Variants in GRM7 observed in about 807,000 individuals in gnomAD.
The protein encoded by GRM7 is metabotropic glutamate receptor 7.
GRM7 carries 35 observed loss-of-function variants against 84.5 expected under a neutral mutation model. The observed-to-expected ratio is 0.41, with a 90% CI of 0.32 to 0.55. GRM7 has a LOEUF of 0.55. GRM7 is among the 20% of genes least tolerant of loss of function. The probability of loss-of-function intolerance (pLI) is 0.19; values close to 1 mark genes in which losing one functional copy is unlikely to be tolerated. For synonymous variants in GRM7, 487 were observed against 455.1 expected, an observed-to-expected ratio of 1.07 and a Z score of -0.89; for missense variants, 1,003 against 1,194.6, an observed-to-expected ratio of 0.84 and a Z score of 2.36.
At chr3:6,957,179 T>G (rs1693092072) in intron 1 of GRM7, among the ~76,000 whole-genome samples, 1 of 152,206 alleles carries the variant, frequency 6.6e-6, no homozygotes, top group African/African-American at 2.4e-5. Context: ...AATCCTAAAA[T>G]TTTCCATAAA....
chr3:7,288,374 T>C (rs1433045872), intron 2 of GRM7, among the ~76,000 whole-genome samples: 2 of 152,088 alleles, frequency 1.3e-5, no homozygotes, highest in Non-Finnish European at 2.9e-5. Flanking sequence ...GATAGGAATG[T>C]GATGCAGGAA....
intron 1 of GRM7, among the ~76,000 whole-genome samples, chr3:6,999,350 G>T (rs1694934983): frequency 6.6e-6 from 1 of 152,124 alleles, no homozygotes; most frequent in African/African-American, 2.4e-5. Context: ...TCTCCAAGAA[G>T]TTTCAAACTT....
chr3:7,234,370 T>C (rs1697284802), intron 2 of GRM7, among the ~76,000 whole-genome samples: 1 of 152,164 alleles, frequency 6.6e-6, no homozygotes, highest in South Asian at 2.1e-4. Flanking sequence ...TTCCATTTAT[T>C]TCTACTAACT....
intron 1 of GRM7, among the ~76,000 whole-genome samples, chr3:6,990,550 G>A (rs1197654770): frequency 6.6e-6 from 1 of 152,136 alleles, no homozygotes; most frequent in East Asian, 1.9e-4. Context: ...GGGTTTCATG[G>A]ACGGGGGCTG....
chr3:7,678,584 A>T (rs1198239018), intron 8 of GRM7, among the ~76,000 whole-genome samples: 5 of 152,232 alleles, frequency 3.3e-5, no homozygotes, highest in Non-Finnish European at 7.3e-5. Flanking sequence ...AACTTTAAAA[A>T]TATGAACTAA....
chr3:7,216,420 A>C (rs778375582), intron 2 of GRM7, among the ~76,000 whole-genome samples: 1 of 152,202 alleles, frequency 6.6e-6, no homozygotes, highest in Non-Finnish European at 1.5e-5. Context: ...ATTTTAAAAC[A>C]TATTTTATAA....
chr3:7,312,579 T>A (rs768191816), intron 4 of GRM7, among the ~76,000 whole-genome samples: 3 of 152,190 alleles, frequency 2.0e-5, no homozygotes, highest in Admixed American at 2.0e-4. Flanking sequence ...GTGACTGATG[T>A]TCTTGACATT....
At chr3:7,194,831 A>G (rs1357852033) in intron 2 of GRM7, among the ~76,000 whole-genome samples, 1 of 152,174 alleles carries the variant, frequency 6.6e-6, no homozygotes, top group Non-Finnish European at 1.5e-5. Flanking sequence ...CAAAATATAT[A>G]GTAAGCATTT....
intron 1 of GRM7, among the ~76,000 whole-genome samples, chr3:7,060,626 C>G (rs73027801): frequency 0.16 from 24,221 of 151,590 alleles, 2,290 homozygotes; most frequent in South Asian, 0.22. Context: ...TTATGTTAAG[C>G]CACTCAAGTT....
chr3:7,480,302 C>G (rs1699079860), intron 7 of GRM7, among the ~76,000 whole-genome samples: 1 of 152,120 alleles, frequency 6.6e-6, no homozygotes, highest in South Asian at 2.1e-4. Flanking sequence ...GGTAGAAATG[C>G]AGATTTAGAG....
chr3:7,125,305 T>A (rs887676649), intron 1 of GRM7, among the ~76,000 whole-genome samples: 3 of 152,272 alleles, frequency 2.0e-5, no homozygotes, highest in Middle Eastern at 3.4e-3. Context: ...GGCAGGAGGA[T>A]CACCTAAGCC....
chr3:7,049,217 A>C (rs1373277061), intron 1 of GRM7, among the ~76,000 whole-genome samples: 1 of 151,954 alleles, frequency 6.6e-6, no homozygotes, highest in Non-Finnish European at 1.5e-5. Context: ...AGCACGTTGT[A>C]CTGGTCTATT....
chr3:7,437,723 C>G (rs988603640), intron 5 of GRM7, among the ~76,000 whole-genome samples: 3 of 151,824 alleles, frequency 2.0e-5, no homozygotes, highest in African/African-American at 7.3e-5. Context: ...CGTGTGTTCC[C>G]CATCCTACAT....
At chr3:7,294,027 C>A (rs989057505) in intron 2 of GRM7, among the ~76,000 whole-genome samples, 1 of 152,190 alleles carries the variant, frequency 6.6e-6, no homozygotes, top group Non-Finnish European at 1.5e-5. Context: ...ACAGGTTTAT[C>A]CCCATTACCA....
intron 4 of GRM7, among the ~76,000 whole-genome samples, chr3:7,394,800 G>A (rs1296683726): frequency 6.6e-6 from 1 of 152,096 alleles, no homozygotes; most frequent in East Asian, 1.9e-4. Context: ...CACTTTGGGA[G>A]GCCAAGGCGG....
chr3:7,432,466 A>G (rs1696869460), intron 5 of GRM7, among the ~76,000 whole-genome samples: 1 of 151,986 alleles, frequency 6.6e-6, no homozygotes. Context: ...GACTACAGGC[A>G]TGTGCCACCA....
intron 2 of GRM7, among the ~76,000 whole-genome samples, chr3:7,216,470 G>C (rs1696615313): frequency 6.6e-6 from 1 of 152,112 alleles, no homozygotes; most frequent in Non-Finnish European, 1.5e-5. Flanking sequence ...TCCCCAAACT[G>C]ATAACTGAAT....
chr3:7,454,300 AAAAGACATAGGAG>A (rs1469331632), intron 6 of GRM7, among the ~76,000 whole-genome samples: 1 of 152,176 alleles, frequency 6.6e-6, no homozygotes, highest in African/African-American at 2.4e-5. Flanking sequence ...CCAATAGGAT[AAAAGACATAGGAG>A]AAAGCACACT....
At chr3:7,663,184 T>A (rs1015665424) in intron 8 of GRM7, among the ~76,000 whole-genome samples, 5 of 152,118 alleles carry the variant, frequency 3.3e-5, no homozygotes, top group Admixed American at 2.0e-4. Context: ...TCAGCACCAG[T>A]GGGCAGAAGG....
Sources: allele counts gnomAD v4.1 joint callset (sites outside exome capture counted in the v4.1 genomes callset), GRCh38; gene constraint gnomAD v4.1.1; transcripts MANE v1.5; gene names NCBI Gene and HGNC (gene_info 2026-07-23, HGNC 2026-07-21).